Variants in PTPRQ observed in about 807,000 individuals in gnomAD.
PTPRQ encodes the protein protein tyrosine phosphatase receptor type Q.
Under a neutral mutation model 246.0 loss-of-function variants are expected in PTPRQ, and 199 were observed. That is an observed-to-expected ratio of 0.81 (90% confidence interval 0.72 to 0.91). PTPRQ has a LOEUF of 0.91. Among genes scored for constraint, PTPRQ ranks in the 40% least tolerant of loss-of-function variants. PTPRQ has a pLI of 0.00. For missense variants in PTPRQ, 2,624 were observed against 2,528.4 expected, an observed-to-expected ratio of 1.04 and a Z score of -0.81; for synonymous variants, 869 against 853.2, an observed-to-expected ratio of 1.02 and a Z score of -0.32.
chr12:80,595,166 C>T (rs1195486608), intron 26 of PTPRQ, among the ~76,000 whole-genome samples: 2 of 152,070 alleles, frequency 1.3e-5, no homozygotes, highest in Non-Finnish European at 2.9e-5. Flanking sequence ...TTTCAGAAAT[C>T]CTTATTTCCA....
At position 80,444,397 on chromosome 12, in the gene PTPRQ, C is replaced by A; in HGVS notation, c.52C>A (p.Gln18Lys). 6.9e-7 allele frequency: 1 copy of A among 1,453,824 alleles called. No individual in the cohort carries two copies. The highest frequency in any genetic ancestry group is 9.4e-7 in the Non-Finnish European group (1 of 1,061,558). 90.1% of individuals were successfully genotyped at this position (1,453,824 alleles called of 1,614,324 possible). A position where few individuals can be genotyped will look rare whatever the true frequency, so the allele number is the denominator to read the frequency against. Residue 18 changes from glutamine (Q) to lysine (K), a missense_variant and splice_region_variant, in exon 1 of 45, where the codon CAG (glutamine) becomes AAG (lysine). Transcript: ENST00000644991. ...LLLFIGTSET[Q>K]VDVSNVVPGT... Reference sequence around the variant, plus strand: ...ACTTTTTATTGGGACTTCAGAGACACAGGTATTTCGTATACACTCTTTAAA... The same window carrying A: ...ACTTTTTATTGGGACTTCAGAGACAAAGGTATTTCGTATACACTCTTTAAA...
intron 26 of PTPRQ, among the ~76,000 whole-genome samples, chr12:80,599,041 G>A (rs1045315512): frequency 2.6e-5 from 4 of 151,802 alleles, no homozygotes; most frequent in African/African-American, 7.2e-5. Context: ...GGCATGGATG[G>A]GGGCATTCAA....
intron 14 of PTPRQ, among the ~76,000 whole-genome samples, chr12:80,501,102 T>C (rs1305348407): frequency 1.3e-5 from 2 of 151,648 alleles, no homozygotes; most frequent in Non-Finnish European, 2.9e-5. Flanking sequence ...AATTGTGGAG[T>C]TGGGGCAGAG....
At chr12:80,626,153 G>T (rs1899193895) in intron 33 of PTPRQ, among the ~76,000 whole-genome samples, 1 of 152,108 alleles carries the variant, frequency 6.6e-6, no homozygotes, top group Non-Finnish European at 1.5e-5. Context: ...TGTATCTTTT[G>T]CATCCAAAGG....
At chr12:80,655,039 C>T (rs1900387493) in intron 38 of PTPRQ, among the ~76,000 whole-genome samples, 1 of 152,044 alleles carries the variant, frequency 6.6e-6, no homozygotes, top group South Asian at 2.1e-4. Context: ...GCATTATTAT[C>T]TGGGTTCCCT....
intron 25 of PTPRQ, among the ~76,000 whole-genome samples, chr12:80,552,678 TATATA>T (rs1228414841): frequency 2.5e-5 from 3 of 119,560 alleles, no homozygotes; most frequent in South Asian, 2.5e-4. Context: ...TATATATATA[TATATA>T]TATATATATA....
intron 5 of PTPRQ, 62 bp from the exon 6 acceptor site, chr12:80,460,591 T>C (rs1018756669): frequency 1.5e-5 from 6 of 397,946 alleles, no homozygotes; most frequent in Non-Finnish European, 8.9e-6. Context: ...TACATGTTCT[T>C]ATTCTTATGT....
intron 26 of PTPRQ, among the ~76,000 whole-genome samples, chr12:80,590,482 A>T (rs1437489945): frequency 6.6e-6 from 1 of 151,984 alleles, no homozygotes; most frequent in Non-Finnish European, 1.5e-5. Flanking sequence ...CCTGGCTAAC[A>T]TGGTGAAACC....
chr12:80,670,892 A>T (rs1214186959), intron 42 of PTPRQ, among the ~76,000 whole-genome samples: 1 of 152,098 alleles, frequency 6.6e-6, no homozygotes, highest in East Asian at 1.9e-4. Flanking sequence ...TACTGTGTTG[A>T]TATTTGCACA....
chr12:80,444,393 GAC>G lies in PTPRQ; in HGVS notation c.52_53del (p.Gln18GlyfsTer2). ...FLLLFIGTSE[T>X]QVDVSNVVPG... ...TTTTACTTTTTATTGGGACTTCAGAGACACAGGTATTTCGTATACACTCTTTA... is the reference window on the plus strand; with the variant it reads ...TTTTACTTTTTATTGGGACTTCAGAGACAGGTATTTCGTATACACTCTTTA... On this transcript the variant is annotated frameshift_variant, in exon 1 of 45. Transcript: ENST00000644991. LOFTEE classifies it high-confidence loss of function. 1.4e-6 allele frequency: 2 copies of G among 1,467,452 alleles called. No individual in the cohort carries two copies. The highest frequency in any genetic ancestry group is 1.9e-6 in the Non-Finnish European group (2 of 1,073,170). The allele number at this position is 1,467,452 out of a possible 1,614,324, so 90.9% of individuals were successfully genotyped here. A position where few individuals can be genotyped will look rare whatever the true frequency, so the allele number is the denominator to read the frequency against.
At chr12:80,605,008 A>G (rs1192631122) in intron 26 of PTPRQ, 51 bp from the exon 27 acceptor site, 32 of 1,484,630 alleles carry the variant, frequency 2.2e-5, no homozygotes, top group Non-Finnish European at 2.7e-5. Flanking sequence ...ATTGTGCTGT[A>G]GCAAGTACTA....
intron 25 of PTPRQ, among the ~76,000 whole-genome samples, chr12:80,587,523 T>C (rs1897660073): frequency 6.6e-6 from 1 of 152,192 alleles, no homozygotes; most frequent in South Asian, 2.1e-4. Context: ...TGACACATGG[T>C]ATGCATTTGG....
intron 25 of PTPRQ, among the ~76,000 whole-genome samples, chr12:80,581,490 T>C (rs752635348): frequency 4.6e-5 from 7 of 151,986 alleles, no homozygotes; most frequent in Non-Finnish European, 8.8e-5. Context: ...ACGAAATTAG[T>C]TGGGTGTGAT....
intron 27 of PTPRQ, among the ~76,000 whole-genome samples, chr12:80,609,352 C>A (rs1427727839): frequency 1.3e-5 from 2 of 150,454 alleles, no homozygotes; most frequent in South Asian, 2.1e-4. Flanking sequence ...AACCAACCAA[C>A]CAAACAAAAA....
At chr12:80,525,819 A>ACTGATTATTAT (rs1895668714) in intron 17 of PTPRQ, 1 of 152,078 alleles carries the variant, frequency 6.6e-6, no homozygotes, top group East Asian at 1.9e-4. Context: ...GGAGTATACT[A>ACTGATTATTAT]CTGATTATTA....
Position 80,619,469 on chromosome 12 carries a change from A to C in PTPRQ, c.5316A>C (p.Arg1772Ser), listed in dbSNP as rs2121128581. 1 of 1,548,292 alleles carries C rather than the reference A, an allele frequency of 6.5e-7. No individual in the cohort carries two copies. The highest frequency in any genetic ancestry group is 2.5e-5 in the East Asian group (1 of 40,802). The change falls in exon 31 of 45, where the codon AGA becomes AGC. Residue 1772 changes from arginine (R) to serine (S), a missense_variant. Transcript: ENST00000644991. ...LLVTSTTITI[R>S]MPICYYSDDH... ...TGACTTCAACAACAATTACAATCAG[A>C]ATGCCAATATGTTACTACAGTGATG...
At chr12:80,580,976 C>T (rs763713425) in intron 25 of PTPRQ, among the ~76,000 whole-genome samples, 3 of 152,128 alleles carry the variant, frequency 2.0e-5, no homozygotes, top group South Asian at 2.1e-4. Flanking sequence ...AGTCTGTGAA[C>T]GAATATTGAT....
intron 33 of PTPRQ, among the ~76,000 whole-genome samples, chr12:80,630,907 G>A (rs746138217): frequency 5.8e-4 from 89 of 152,148 alleles, no homozygotes; most frequent in Admixed American, 9.2e-4. Context: ...AGTAGAGACG[G>A]GGTTTCACCA....
At chr12:80,518,660 G>C (rs188623042) in intron 17 of PTPRQ, among the ~76,000 whole-genome samples, 2 of 152,090 alleles carry the variant, frequency 1.3e-5, no homozygotes. Context: ...TGTATATGGT[G>C]AAAGATGGAG....
Sources: gnomAD v4.1 joint callset for allele counts (sites outside exome capture counted in the v4.1 genomes callset) on GRCh38, gnomAD v4.1.1 for gene constraint, MANE v1.5 for transcripts, NCBI Gene and HGNC (gene_info 2026-07-23, HGNC 2026-07-21) for gene names.